LPIN2: variants seen among roughly 807,000 people sequenced by gnomAD.
LPIN2 encodes lipin 2.
Under a neutral mutation model 111.4 loss-of-function variants are expected in LPIN2, and 55 were observed. That is an observed-to-expected ratio of 0.49 (90% CI 0.40 to 0.62). LPIN2 has a LOEUF of 0.62. Among genes scored for constraint, LPIN2 ranks in the 20% least tolerant of loss-of-function variants. LPIN2 has a pLI of 0.00. For synonymous variants in LPIN2, 425 were observed against 414.0 expected (o/e 1.03, Z -0.32); for missense variants, 992 against 1,112.1 (o/e 0.89, Z 1.54).
intron 1 of LPIN2, among the ~76,000 whole-genome samples, chr18:2,967,199 C>G (rs1433078584): frequency 6.6e-6 from 1 of 152,116 alleles, no homozygotes; most frequent in East Asian, 1.9e-4. Flanking sequence ...CACTAGAACC[C>G]AGTTCTACCT....
rs2076988989 is a variant in LPIN2, at chr18:2,917,611, G to A, written c.*2682C>T. ...CATTTTTAAGTTTTTTCTTTTTCCA[G>A]TTGAAAACTATGCAGATGTTTTTAG... is the stretch of plus-strand genomic sequence containing the variant. On this transcript the variant is annotated 3_prime_UTR_variant, in exon 20 of 20. Transcript: ENST00000677752. 1 of 152,136 alleles carries A rather than the reference G, an allele frequency of 6.6e-6. No individual in the cohort carries two copies. The highest frequency in any genetic ancestry group is 2.4e-5 in the African/African-American group (1 of 41,390). 9.4% of individuals were successfully genotyped at this position (152,136 alleles called of 1,614,324 possible). A position where few individuals can be genotyped will look rare whatever the true frequency, so the allele number is the denominator to read the frequency against.
At chr18:2,923,746 G>C in intron 16 of LPIN2, 29 bp downstream of exon 16, 1 of 1,576,850 alleles carries the variant, frequency 6.3e-7, no homozygotes, top group Non-Finnish European at 8.7e-7. Flanking sequence ...CAGCTCACCA[G>C]AGCGAGTTAA....
intron 1 of LPIN2, among the ~76,000 whole-genome samples, chr18:2,975,877 T>A (rs2078005159): frequency 6.6e-6 from 1 of 152,216 alleles, no homozygotes; most frequent in Admixed American, 6.5e-5. Context: ...GGGTTGACTA[T>A]CACTGACATT....
intron 1 of LPIN2, chr18:2,982,978 C>A: frequency 6.0e-6 from 2 of 335,998 alleles, no homozygotes. Flanking sequence ...CCCTTCTCCC[C>A]AAAGGAGATA....
At chr18:3,001,536 T>C (rs918626017) in intron 1 of LPIN2, among the ~76,000 whole-genome samples, 5 of 152,142 alleles carry the variant, frequency 3.3e-5, no homozygotes, top group Admixed American at 6.6e-5. Flanking sequence ...GTATAAAGAA[T>C]TGTGCGTGTG....
At chr18:2,927,207 T>G (rs1250772805) in intron 12 of LPIN2, among the ~76,000 whole-genome samples, 2 of 152,188 alleles carry the variant, frequency 1.3e-5, no homozygotes, top group Non-Finnish European at 2.9e-5. Context: ...TTCTGACATT[T>G]GAAAAACAGG....
chr18:2,980,229 A>T (rs1298554409), intron 1 of LPIN2, among the ~76,000 whole-genome samples: 3 of 152,176 alleles, frequency 2.0e-5, no homozygotes, highest in Non-Finnish European at 4.4e-5. Flanking sequence ...TTGTTCTAGG[A>T]CTCAGAACTC....
chr18:2,919,364 T>C lies in LPIN2; in HGVS notation c.*929A>G, dbSNP rs1196561741. 1 of 152,118 alleles carries C rather than the reference T, an allele frequency of 6.6e-6. No homozygotes were observed. The highest frequency in any genetic ancestry group is 1.5e-5 in the Non-Finnish European group (1 of 68,072). 9.4% of individuals were successfully genotyped at this position (152,118 alleles called of 1,614,324 possible). A position where few individuals can be genotyped will look rare whatever the true frequency, so the allele number is the denominator to read the frequency against. On this transcript the variant is annotated 3_prime_UTR_variant, in exon 20 of 20. Coordinates refer to ENST00000677752, the MANE Select transcript of LPIN2 (RefSeq NM_001375808.2). ...ACTGTGCTTCCCTGACAAATCTGAA[T>C]CACAGAATTTTAGAAATCCTGTCCC...
intron 1 of LPIN2, among the ~76,000 whole-genome samples, chr18:2,966,402 T>C (rs2077805136): frequency 6.6e-6 from 1 of 152,236 alleles, no homozygotes; most frequent in Non-Finnish European, 1.5e-5. Flanking sequence ...TGTTAACCTG[T>C]ATGTTATCTC....
rs1406873644 is a variant in LPIN2, at chr18:2,954,729, A to G, written c.193-130T>C. 6.8e-6 allele frequency: 5 copies of G among 735,264 alleles called. No individual in the cohort carries two copies. The East Asian group carries it at 1.1e-4, about 16-fold the overall frequency. The allele number at this position is 735,264 out of a possible 1,614,324, so 45.5% of individuals were successfully genotyped here. On this transcript the variant is annotated intron_variant, in intron 2 of 19. Transcript: ENST00000677752. The stretch of plus-strand genomic sequence containing the variant: ...GTTCCTAGAACTACAGCCTCTGAGA[A>G]ACACTGCTACTTGCCCCTACCCAAC...
intron 1 of LPIN2, 104 bp from the exon 2 acceptor site, chr18:2,960,953 G>A (rs754829781): frequency 1.1e-6 from 1 of 900,560 alleles, no homozygotes; most frequent in Non-Finnish European, 1.8e-6. Context: ...TTGTATGCCA[G>A]ATTTCATATC....
intron 7 of LPIN2, among the ~76,000 whole-genome samples, chr18:2,936,744 T>G (rs1222533309): frequency 6.6e-6 from 1 of 152,122 alleles, no homozygotes; most frequent in Non-Finnish European, 1.5e-5. Flanking sequence ...CATGCCAGGC[T>G]CAGTTTTTTA....
At chr18:2,995,767 T>C (rs992881431) in intron 1 of LPIN2, among the ~76,000 whole-genome samples, 4 of 152,324 alleles carry the variant, frequency 2.6e-5, no homozygotes, top group African/African-American at 9.6e-5. Context: ...GGGTAAAGAT[T>C]TTCCACCGCT....
rs929236128 is a variant in LPIN2, at chr18:2,925,876, C to A, written c.1794-508G>T. Among the ~76,000 whole-genome samples the A allele has an allele frequency of 2.0e-5, 3 of 152,022 alleles. No individual in the cohort carries two copies. Among genetic ancestry groups the A allele is most frequent in the Admixed American group, 6.6e-5 (1 of 15,262 alleles). ...TAAAAATTAGCCAGGGGTAGTGACACTTGTCTGTGGTCCTAACTACTTGGG... is the reference window on the plus strand; with the variant it reads ...TAAAAATTAGCCAGGGGTAGTGACAATTGTCTGTGGTCCTAACTACTTGGG... On this transcript the variant is annotated intron_variant, in intron 13 of 19. Coordinates refer to ENST00000677752, the MANE Select transcript of LPIN2 (RefSeq NM_001375808.2). This position sits in a 1 kb window ranked among gnomAD's most constrained non-coding sequence, Gnocchi z 4.1.
At chr18:2,968,756 A>T (rs1370945819) in intron 1 of LPIN2, among the ~76,000 whole-genome samples, 4 of 152,208 alleles carry the variant, frequency 2.6e-5, no homozygotes, top group African/African-American at 9.7e-5. Context: ...GTGAGATGCC[A>T]CAAGGCCTTT....
intron 11 of LPIN2, among the ~76,000 whole-genome samples, chr18:2,928,127 CTGA>C (rs1255057568): frequency 6.6e-6 from 1 of 152,158 alleles, no homozygotes; most frequent in Non-Finnish European, 1.5e-5. Context: ...ACCAACTAGG[CTGA>C]TGATGTCTTC....
chr18:2,995,003 T>C (rs572312107), intron 1 of LPIN2, among the ~76,000 whole-genome samples: 4 of 152,266 alleles, frequency 2.6e-5, no homozygotes, highest in Non-Finnish European at 5.9e-5. Context: ...ACCTCCAGGA[T>C]GGAACCTTCT....
chr18:2,930,289 T>A (rs2077195724), intron 9 of LPIN2, among the ~76,000 whole-genome samples: 1 of 152,270 alleles, frequency 6.6e-6, no homozygotes, highest in Admixed American at 6.5e-5. Context: ...TATAATTTTT[T>A]AAACTGAACA....
intron 1 of LPIN2, among the ~76,000 whole-genome samples, chr18:3,005,202 T>C (rs56987318): frequency 0.086 from 13,116 of 151,714 alleles, 1,381 homozygotes; most frequent in African/African-American, 0.26. Flanking sequence ...ATACAAAAAT[T>C]AGCAGCGTTT....
Sources: gnomAD v4.1 joint callset for allele counts (sites outside exome capture counted in the v4.1 genomes callset) on GRCh38, gnomAD v4.1.1 for gene constraint, Gnocchi (gnomAD v3.1) non-coding constraint, MANE v1.5 for transcripts, NCBI Gene and HGNC (gene_info 2026-07-23, HGNC 2026-07-21) for gene names.